TNFAIP8: variants seen among roughly 807,000 people sequenced by gnomAD.
TNFAIP8 encodes tumor necrosis factor alpha-induced protein 8.
In TNFAIP8, 7 loss-of-function variants were observed where a neutral mutation model predicts 13.3. The observed-to-expected ratio is 0.52, with a 90% CI of 0.30 to 0.99. TNFAIP8 has a LOEUF of 0.99. Ranked by LOEUF, TNFAIP8 falls within the 50% of genes least tolerant of loss-of-function variation. The pLI, the probability that TNFAIP8 is intolerant of heterozygous loss-of-function variation, is 0.07. For synonymous variants in TNFAIP8, 94 were observed against 87.6 expected (o/e 1.07, Z -0.41); for missense variants, 258 against 236.9 (o/e 1.09, Z -0.58).
At chr5:119,301,131 A>G (rs1401482999) in intron 1 of TNFAIP8, among the ~76,000 whole-genome samples, 1 of 152,178 alleles carries the variant, frequency 6.6e-6, no homozygotes, top group Admixed American at 6.5e-5. Flanking sequence ...ACCCAGTTGC[A>G]TTACTTCTTA....
At position 119,356,035 on chromosome 5, in the gene TNFAIP8, G is replaced by C; in HGVS notation, c.-56G>C. On this transcript the variant is annotated 5_prime_UTR_variant, in exon 1 of 2. Transcript: ENST00000504771. ...GATTTCGCTGCAGAGCGAACTTGCG[G>C]CTCGTCCGAGTACATGTGAGCGGTA... is the stretch of plus-strand genomic sequence containing the variant. 1 of 1,543,244 alleles carries C rather than the reference G, an allele frequency of 6.5e-7. No homozygotes were observed. The highest frequency in any genetic ancestry group is 1.2e-5 in the South Asian group (1 of 84,048).
chr5:119,332,038 C>T (rs1017693460), intron 1 of TNFAIP8, among the ~76,000 whole-genome samples: 11 of 152,070 alleles, frequency 7.2e-5, no homozygotes. Flanking sequence ...GGAGATAACA[C>T]AAAAGAACAC....
At chr5:119,390,334 CAGG>C (rs1752845364) in intron 1 of TNFAIP8, among the ~76,000 whole-genome samples, 1 of 151,994 alleles carries the variant, frequency 6.6e-6, no homozygotes, top group South Asian at 2.1e-4. Flanking sequence ...AGGTCTATAT[CAGG>C]AGTTCTAAGA....
chr5:119,278,822 T>C (rs1748545695), intron 1 of TNFAIP8, among the ~76,000 whole-genome samples: 1 of 152,190 alleles, frequency 6.6e-6, no homozygotes, highest in Admixed American at 6.6e-5. Flanking sequence ...AAATCACATA[T>C]ACATAATTAC....
intron 1 of TNFAIP8, among the ~76,000 whole-genome samples, chr5:119,294,606 G>C (rs1199341883): frequency 1.3e-5 from 2 of 152,026 alleles, no homozygotes; most frequent in Non-Finnish European, 2.9e-5. Context: ...ATCTAGATCT[G>C]AGGCATCTCC....
At chr5:119,381,387 T>C (rs1752478494) in intron 1 of TNFAIP8, among the ~76,000 whole-genome samples, 2 of 151,720 alleles carry the variant, frequency 1.3e-5, no homozygotes, top group African/African-American at 4.8e-5. Flanking sequence ...CCCAAAAAAA[T>C]ACAGAAAATT....
At chr5:119,294,253 G>A (rs187259387) in intron 1 of TNFAIP8, among the ~76,000 whole-genome samples, 1,488 of 140,244 alleles carry the variant, frequency 0.011, 14 homozygotes, top group African/African-American at 0.038. Flanking sequence ...GTGTCCATGT[G>A]TTCTCATTGT....
intron 1 of TNFAIP8, among the ~76,000 whole-genome samples, chr5:119,275,299 A>C (rs1748406355): frequency 6.6e-6 from 1 of 152,180 alleles, no homozygotes; most frequent in Admixed American, 6.5e-5. Flanking sequence ...GACATTGGAG[A>C]GTCTGCCCAG....
intron 1 of TNFAIP8, among the ~76,000 whole-genome samples, chr5:119,274,727 C>T (rs979775009): frequency 6.6e-6 from 1 of 152,228 alleles, no homozygotes; most frequent in Non-Finnish European, 1.5e-5. Flanking sequence ...TGCTTATCAC[C>T]TCCCTGGCAG....
chr5:119,283,948 C>T lies in TNFAIP8; in HGVS notation c.1+15041C>T, dbSNP rs1229512742. Among the ~76,000 whole-genome samples, 6 of 152,266 alleles carry T rather than the reference C, an allele frequency of 3.9e-5. No individual in the cohort carries two copies. In the East Asian group the frequency reaches 1.2e-3, roughly 29 times the overall value. ...ACTGAAGACTTGTTCTTCGCCTGTTCTCAGCTGCCTGTCTTTTTGCCTTTT... is the reference window on the plus strand; with the variant it reads ...ACTGAAGACTTGTTCTTCGCCTGTTTTCAGCTGCCTGTCTTTTTGCCTTTT... On this transcript the variant is annotated intron_variant, in intron 1 of 1. Transcript: ENST00000274456.
At chr5:119,295,493 C>G (rs1402358185) in intron 1 of TNFAIP8, among the ~76,000 whole-genome samples, 2 of 151,942 alleles carry the variant, frequency 1.3e-5, no homozygotes, top group Admixed American at 6.6e-5. Context: ...ATCTATATCT[C>G]TGTTTTGGTA....
intron 1 of TNFAIP8, among the ~76,000 whole-genome samples, chr5:119,291,606 G>C (rs190757729): frequency 1.9e-3 from 294 of 152,334 alleles, no homozygotes; most frequent in African/African-American, 6.7e-3. Flanking sequence ...TGCAGGAAGG[G>C]CTGCTTTCAT....
At chr5:119,361,784 A>C (rs1261888946) in intron 1 of TNFAIP8, among the ~76,000 whole-genome samples, 1 of 152,184 alleles carries the variant, frequency 6.6e-6, no homozygotes, top group Non-Finnish European at 1.5e-5. Flanking sequence ...CCAGGCTGAG[A>C]AGCTGGGGAC....
chr5:119,314,735 T>A (rs1277227391), intron 1 of TNFAIP8, among the ~76,000 whole-genome samples: 2 of 152,210 alleles, frequency 1.3e-5, no homozygotes, highest in Admixed American at 1.3e-4. Flanking sequence ...CTTGGATAAA[T>A]TTCTTAAGAC....
intron 1 of TNFAIP8, among the ~76,000 whole-genome samples, chr5:119,284,834 T>C (rs74732366): frequency 1.6e-4 from 24 of 152,300 alleles, no homozygotes; most frequent in African/African-American, 5.8e-4. Flanking sequence ...AGCATTTGCT[T>C]GTTAACAATA....
At chr5:119,277,350 C>T (rs1748487149) in intron 1 of TNFAIP8, among the ~76,000 whole-genome samples, 1 of 152,126 alleles carries the variant, frequency 6.6e-6, no homozygotes, top group Non-Finnish European at 1.5e-5. Flanking sequence ...TACGCATTTA[C>T]TGTGTGTGGG....
rs1023467816 is a variant in TNFAIP8, at chr5:119,396,879, A to T, written c.*3498A>T. ...TGTGGTGGCAGGCACCTGTAATCCC[A>T]GCTACTTGGGAGGCTAAGGCAGGAG... On this transcript the variant is annotated 3_prime_UTR_variant, in exon 2 of 2. Coordinates refer to ENST00000504771, the MANE Select transcript of TNFAIP8 (RefSeq NM_014350.4). 6 of 151,408 alleles carry T rather than the reference A, an allele frequency of 4.0e-5. No homozygotes were observed. The highest frequency in any genetic ancestry group is 1.5e-4 in the African/African-American group (6 of 41,094). The allele number at this position is 151,408 out of a possible 1,614,324, so 9.4% of individuals were successfully genotyped here. A position where few individuals can be genotyped will look rare whatever the true frequency, so the allele number is the denominator to read the frequency against.
At chr5:119,388,846 G>A (rs1752783015) in intron 1 of TNFAIP8, among the ~76,000 whole-genome samples, 1 of 148,272 alleles carries the variant, frequency 6.7e-6, no homozygotes, top group Admixed American at 6.8e-5. Context: ...GTCTTGCTAT[G>A]TTGCCCAGGC....
chr5:119,359,926 G>A (rs1751570974), intron 1 of TNFAIP8, among the ~76,000 whole-genome samples: 1 of 152,198 alleles, frequency 6.6e-6, no homozygotes, highest in Non-Finnish European at 1.5e-5. Flanking sequence ...GTAGTCATTA[G>A]GCTTGGAGTG....
Sources: gnomAD v4.1 joint callset for allele counts (sites outside exome capture counted in the v4.1 genomes callset) on GRCh38, gnomAD v4.1.1 for gene constraint, MANE v1.5 for transcripts, NCBI Gene and HGNC (gene_info 2026-07-23, HGNC 2026-07-21) for gene names.